Variants in PPP1R12B observed in about 807,000 individuals in gnomAD.
PPP1R12B encodes myosin phosphatase target subunit 2.
Under a neutral mutation model 126.1 loss-of-function variants are expected in PPP1R12B, and 76 were observed. The ratio of observed to expected loss-of-function variants is 0.60; its 90% CI spans 0.50 to 0.73. The LOEUF is 0.73. PPP1R12B is among the 30% of genes least tolerant of loss of function. The probability of loss-of-function intolerance (pLI) is 0.00; values close to 1 mark genes in which losing one functional copy is unlikely to be tolerated. For missense variants in PPP1R12B, 1,052 were observed against 1,205.1 expected, an observed-to-expected ratio of 0.87 and a Z score of 1.88; for synonymous variants, 356 against 434.7, an observed-to-expected ratio of 0.82 and a Z score of 2.25.
intron 13 of PPP1R12B, among the ~76,000 whole-genome samples, chr1:202,463,550 A>C (rs1674587470): frequency 6.6e-6 from 1 of 152,184 alleles, no homozygotes; most frequent in Non-Finnish European, 1.5e-5. Flanking sequence ...GCTCATTTAC[A>C]TAGGTGAAGG....
At chr1:202,462,900 T>C (rs1572138425) in intron 13 of PPP1R12B, 2 of 985,280 alleles carry the variant, frequency 2.0e-6, no homozygotes, top group African/African-American at 3.5e-5. Context: ...TCACCTGGAA[T>C]GATTTGATCT....
At chr1:202,556,230 A>G (rs1243389753) in intron 18 of PPP1R12B, among the ~76,000 whole-genome samples, 1 of 152,184 alleles carries the variant, frequency 6.6e-6, no homozygotes, top group Admixed American at 6.5e-5. Flanking sequence ...GTGGCAGGGA[A>G]GCTGACATTT....
chr1:202,587,459 A>G lies in PPP1R12B; in HGVS notation c.*6899A>G, dbSNP rs1689885408. ...GTATGACTCCTCCATAGCCTGGCCA[A>G]GGAGACCATGAGTAGCCATGTCTGG... is the stretch of plus-strand genomic sequence containing the variant. On this transcript the variant is annotated 3_prime_UTR_variant, in exon 24 of 24. Coordinates refer to ENST00000608999, the MANE Select transcript of PPP1R12B (RefSeq NM_002481.4). 1 of 152,196 alleles carries G rather than the reference A, an allele frequency of 6.6e-6. No individual in the cohort carries two copies. The highest frequency in any genetic ancestry group is 1.5e-5 in the Non-Finnish European group (1 of 68,038). The allele number at this position is 152,196 out of a possible 1,614,324, so 9.4% of individuals were successfully genotyped here.
chr1:202,399,499 A>G (rs1013306928), intron 1 of PPP1R12B, among the ~76,000 whole-genome samples: 2 of 145,028 alleles, frequency 1.4e-5, no homozygotes, highest in Non-Finnish European at 3.0e-5. Flanking sequence ...GAGCCACCGC[A>G]CCTTTTTTTT....
intron 8 of PPP1R12B, among the ~76,000 whole-genome samples, chr1:202,433,620 T>A (rs1228551090): frequency 6.6e-6 from 1 of 152,224 alleles, no homozygotes; most frequent in Non-Finnish European, 1.5e-5. Flanking sequence ...TGCCCTGAGC[T>A]TTCCTGCTTC....
intron 14 of PPP1R12B, among the ~76,000 whole-genome samples, chr1:202,492,767 T>C (rs1194237269): frequency 6.6e-6 from 1 of 152,190 alleles, no homozygotes; most frequent in Admixed American, 6.5e-5. Flanking sequence ...GGTAACCATT[T>C]GATCTTGGGA....
At chr1:202,516,131 T>A (rs750296370) in intron 18 of PPP1R12B, among the ~76,000 whole-genome samples, 10 of 152,202 alleles carry the variant, frequency 6.6e-5, no homozygotes, top group Admixed American at 3.3e-4. Context: ...ATACAAAGTG[T>A]ACAGAACAGT....
At chr1:202,567,633 G>T in intron 21 of PPP1R12B, 145 bp from the exon 22 acceptor site, 1 of 764,262 alleles carries the variant, frequency 1.3e-6, no homozygotes, top group South Asian at 1.8e-5. Context: ...ATCAGAACCT[G>T]TTTGCTGGGG....
At chr1:202,576,784 A>G (rs544528261) in intron 23 of PPP1R12B, 6 of 151,902 alleles carry the variant, frequency 3.9e-5, no homozygotes, top group African/African-American at 1.2e-4. Context: ...TGCTTTATAT[A>G]GTTTTTCTCA....
chr1:202,429,313 C>G (rs1028952844), intron 6 of PPP1R12B, among the ~76,000 whole-genome samples: 17 of 152,232 alleles, frequency 1.1e-4, no homozygotes, highest in South Asian at 2.1e-4. Flanking sequence ...AAAAGACTAT[C>G]TTTATTTAAG....
chr1:202,440,678 T>G (rs113792492), intron 10 of PPP1R12B, 28 bp from the exon 11 acceptor site: 2 of 1,552,520 alleles, frequency 1.3e-6, no homozygotes, highest in East Asian at 4.5e-5. Flanking sequence ...TGTACCTTTC[T>G]TGTGCTTTAC....
rs1450068049 is a variant in PPP1R12B at position 202,585,057 on chromosome 1, T to G, written c.*4497T>G. On this transcript the variant is annotated 3_prime_UTR_variant, in exon 24 of 24. Coordinates refer to ENST00000608999, the MANE Select transcript of PPP1R12B (RefSeq NM_002481.4). Reference sequence around the variant, plus strand: ...TCTCGCCCAGGCTGGAGTGCAGTGGTGTGATCTCAGCTCACTGCAACCTCC... The same window carrying G: ...TCTCGCCCAGGCTGGAGTGCAGTGGGGTGATCTCAGCTCACTGCAACCTCC... The G allele has an allele frequency of 4.6e-5, 7 of 152,554 alleles. No homozygotes were observed. The highest frequency in any genetic ancestry group is 1.7e-4 in the African/African-American group (7 of 41,596). 9.5% of individuals were successfully genotyped at this position (152,554 alleles called of 1,614,324 possible).
chr1:202,429,364 GTAAA>G (rs1191517609), intron 6 of PPP1R12B, among the ~76,000 whole-genome samples: 1 of 152,122 alleles, frequency 6.6e-6, no homozygotes, highest in Non-Finnish European at 1.5e-5. Context: ...TAAAAAATAA[GTAAA>G]TACACATAAT....
chr1:202,510,100 G>C (rs1450567511), intron 18 of PPP1R12B, among the ~76,000 whole-genome samples: 1 of 152,148 alleles, frequency 6.6e-6, no homozygotes, highest in African/African-American at 2.4e-5. Context: ...GTATGAGAAG[G>C]CCTCTCTTAG....
intron 13 of PPP1R12B, among the ~76,000 whole-genome samples, chr1:202,450,433 GA>G (rs1558244224): frequency 6.6e-6 from 1 of 152,188 alleles, no homozygotes. Flanking sequence ...CCTACTTGAG[GA>G]AGTATTAAAA....
intron 13 of PPP1R12B, among the ~76,000 whole-genome samples, chr1:202,461,003 T>A (rs1166453307): frequency 6.6e-6 from 1 of 152,132 alleles, no homozygotes. Flanking sequence ...GAGATGAGGC[T>A]ACCCCTAGAT....
chr1:202,539,201 A>ACTG (rs1024510146), intron 18 of PPP1R12B, among the ~76,000 whole-genome samples: 1 of 152,148 alleles, frequency 6.6e-6, no homozygotes, highest in Non-Finnish European at 1.5e-5. Context: ...AGCCTTAGAG[A>ACTG]CTGCTGCCTA....
At chr1:202,505,099 C>T (rs186288075) in intron 18 of PPP1R12B, among the ~76,000 whole-genome samples, 5 of 152,198 alleles carry the variant, frequency 3.3e-5, no homozygotes, top group Admixed American at 2.6e-4. Context: ...AACATGTGTT[C>T]TGACACATAA....
At chr1:202,474,705 G>A (rs1282460658) in intron 13 of PPP1R12B, among the ~76,000 whole-genome samples, 7 of 152,098 alleles carry the variant, frequency 4.6e-5, no homozygotes, top group Non-Finnish European at 7.4e-5. Flanking sequence ...TAGAGCTGTG[G>A]TGTGCAGTAT....
Sources: gnomAD v4.1 joint callset for allele counts (sites outside exome capture counted in the v4.1 genomes callset) on GRCh38, gnomAD v4.1.1 for gene constraint, MANE v1.5 for transcripts, NCBI Gene and HGNC (gene_info 2026-07-23, HGNC 2026-07-21) for gene names.